LDB2: variants seen among roughly 807,000 people sequenced by gnomAD.
LDB2 encodes LIM domain-binding protein 2.
In LDB2, 12 loss-of-function variants were observed where a neutral mutation model predicts 44.3. That is an observed-to-expected ratio of 0.27 (90% confidence interval 0.17 to 0.44). The LOEUF (loss-of-function observed/expected upper bound fraction) is 0.44. Ranked by LOEUF, LDB2 falls within the 20% of genes least tolerant of loss-of-function variation. The probability of loss-of-function intolerance (pLI) is 1.00; values close to 1 mark genes in which losing one functional copy is unlikely to be tolerated. For missense variants in LDB2, 344 were observed against 473.5 expected, an observed-to-expected ratio of 0.73 and a Z score of 2.54; for synonymous variants, 164 against 174.8, an observed-to-expected ratio of 0.94 and a Z score of 0.49.
At chr4:16,657,425 C>A (rs986672488) in intron 2 of LDB2, among the ~76,000 whole-genome samples, 1 of 152,278 alleles carries the variant, frequency 6.6e-6, no homozygotes, top group East Asian at 1.9e-4. Context: ...TTAAAATTCA[C>A]CAGTCACCAC....
At chr4:16,657,529 G>T (rs1208859073) in intron 2 of LDB2, among the ~76,000 whole-genome samples, 1 of 152,138 alleles carries the variant, frequency 6.6e-6, no homozygotes, top group African/African-American at 2.4e-5. Flanking sequence ...TCAGATCTTA[G>T]TTTCATCAAA....
At chr4:16,679,420 A>T (rs1041959822) in intron 2 of LDB2, among the ~76,000 whole-genome samples, 1 of 152,198 alleles carries the variant, frequency 6.6e-6, no homozygotes, top group Admixed American at 6.5e-5. Flanking sequence ...ACGTTTTTCT[A>T]GCATTTACTA....
rs115292709 is a variant in LDB2 at position 16,792,989 on chromosome 4, G to T, written c.133-33729C>A. On this transcript the variant is annotated intron_variant, in intron 1 of 7. Transcript: ENST00000304523. ...AGCCCTCTTCAAACCCAAAAGAAAA[G>T]GAGCAGGGCCCCAAAGAAATGGACC... Among the ~76,000 whole-genome samples the T allele has an allele frequency of 2.2e-3, 330 of 152,278 alleles. 1 individual carries two copies. The highest frequency in any genetic ancestry group is 7.4e-3 in the African/African-American group (308 of 41,558).
intron 1 of LDB2, among the ~76,000 whole-genome samples, chr4:16,856,362 A>C (rs1789344859): frequency 6.6e-6 from 1 of 152,174 alleles, no homozygotes; most frequent in Non-Finnish European, 1.5e-5. Flanking sequence ...AAGTGTTAGC[A>C]AGAGTAGACA....
chr4:16,878,908 T>G (rs1310476467), intron 1 of LDB2, among the ~76,000 whole-genome samples: 5 of 152,236 alleles, frequency 3.3e-5, no homozygotes, highest in African/African-American at 9.6e-5. Flanking sequence ...CAGCTTTCCT[T>G]ATTTATTTTA....
At chr4:16,694,207 G>A (rs1483800904) in intron 2 of LDB2, among the ~76,000 whole-genome samples, 1 of 152,214 alleles carries the variant, frequency 6.6e-6, no homozygotes, top group Non-Finnish European at 1.5e-5. Flanking sequence ...CTTACTGGAA[G>A]GATTTTAATG....
intron 2 of LDB2, among the ~76,000 whole-genome samples, chr4:16,711,266 G>A (rs1252361851): frequency 1.3e-5 from 2 of 152,172 alleles, no homozygotes; most frequent in Admixed American, 6.5e-5. Context: ...GAAGAATCAC[G>A]GCATTATGGT....
chr4:16,799,707 T>G (rs1438247738), intron 1 of LDB2, among the ~76,000 whole-genome samples: 3 of 152,202 alleles, frequency 2.0e-5, no homozygotes, highest in Admixed American at 6.5e-5. Flanking sequence ...CTTTCTGGAT[T>G]CTTGTAATAC....
intron 2 of LDB2, among the ~76,000 whole-genome samples, chr4:16,673,802 C>T (rs1308987810): frequency 1.3e-5 from 2 of 152,174 alleles, no homozygotes; most frequent in African/African-American, 4.8e-5. Flanking sequence ...CTATCCAGTC[C>T]AGAATGCTAC....
chr4:16,592,598 TGTA>T (rs1163954308), intron 3 of LDB2, among the ~76,000 whole-genome samples: 1 of 151,228 alleles, frequency 6.6e-6, no homozygotes, highest in East Asian at 1.9e-4. Context: ...TGAAATATAA[TGTA>T]GTATACAGGC....
At chr4:16,540,268 G>T (rs1480426155) in intron 5 of LDB2, among the ~76,000 whole-genome samples, 2 of 152,110 alleles carry the variant, frequency 1.3e-5, no homozygotes, top group Non-Finnish European at 2.9e-5. Context: ...GACATGAAGT[G>T]CCAGGTTAGG....
chr4:16,885,406 T>C (rs1159402149), intron 1 of LDB2, among the ~76,000 whole-genome samples: 1 of 152,096 alleles, frequency 6.6e-6, no homozygotes, highest in Non-Finnish European at 1.5e-5. Flanking sequence ...TTGATATTGG[T>C]CACAGAGAAT....
intron 1 of LDB2, among the ~76,000 whole-genome samples, chr4:16,814,787 G>A (rs1780600036): frequency 6.6e-6 from 1 of 152,100 alleles, no homozygotes; most frequent in Admixed American, 6.6e-5. Context: ...AGAATCAGGG[G>A]GTACAAAGTG....
chr4:16,543,944 T>C (rs1208158613), intron 5 of LDB2, among the ~76,000 whole-genome samples: 2 of 152,290 alleles, frequency 1.3e-5, no homozygotes, highest in East Asian at 3.9e-4. Flanking sequence ...TGTTTTTTTC[T>C]CCCTCTCTCT....
At chr4:16,549,779 C>T (rs925981779) in intron 5 of LDB2, among the ~76,000 whole-genome samples, 11 of 152,096 alleles carry the variant, frequency 7.2e-5, no homozygotes, top group Admixed American at 2.0e-4. Context: ...ATCAGAAGTA[C>T]GAATATAATA....
intron 2 of LDB2, among the ~76,000 whole-genome samples, chr4:16,636,567 T>C (rs1733662494): frequency 6.6e-6 from 1 of 152,330 alleles, no homozygotes; most frequent in South Asian, 2.1e-4. Flanking sequence ...CTTCAGGCTG[T>C]ATGACAACTT....
chr4:16,519,668 C>T (rs2152270087), intron 5 of LDB2, among the ~76,000 whole-genome samples: 1 of 149,952 alleles, frequency 6.7e-6, no homozygotes, highest in South Asian at 2.1e-4. Context: ...CCAGATTCAT[C>T]TGGGTTCAAG....
At chr4:16,630,287 A>G (rs1731546333) in intron 2 of LDB2, among the ~76,000 whole-genome samples, 1 of 152,240 alleles carries the variant, frequency 6.6e-6, no homozygotes, top group African/African-American at 2.4e-5. Context: ...AATATTCAAC[A>G]TTCTCAAAGA....
chr4:16,556,088 G>C (rs1739471433), intron 5 of LDB2, among the ~76,000 whole-genome samples: 1 of 152,276 alleles, frequency 6.6e-6, no homozygotes, highest in East Asian at 1.9e-4. Context: ...TCTCAGAGAA[G>C]CCTTCTGAGA....
Sources: gnomAD v4.1 joint callset for allele counts (sites outside exome capture counted in the v4.1 genomes callset) on GRCh38, gnomAD v4.1.1 for gene constraint, MANE v1.5 for transcripts, NCBI Gene and HGNC (gene_info 2026-07-23, HGNC 2026-07-21) for gene names.